The following DCDC2 variants were observed in gnomAD, a reference collection of about 807,000 sequenced individuals.
DCDC2 encodes doublecortin domain containing 2.
Under a neutral mutation model 50.2 loss-of-function variants are expected in DCDC2, and 40 were observed. The ratio of observed to expected loss-of-function variants is 0.80; its 90% CI spans 0.62 to 1.04. DCDC2 has a LOEUF of 1.04. DCDC2 is among the 50% of genes least tolerant of loss of function. DCDC2 has a pLI of 0.00. For synonymous variants in DCDC2, 234 were observed against 210.6 expected (o/e 1.11, Z -0.96); for missense variants, 570 against 581.9 (o/e 0.98, Z 0.21).
the DCDC2 span, among the ~76,000 whole-genome samples, chr6:24,378,447 G>A: frequency 6.6e-6 from 1 of 152,034 alleles, no homozygotes; most frequent in Non-Finnish European, 1.5e-5. Flanking sequence ...TGCTGGGACC[G>A]ACTATTGTGA....
intron 2 of DCDC2, among the ~76,000 whole-genome samples, chr6:24,338,640 G>A (rs1476392377): frequency 6.6e-6 from 1 of 152,054 alleles, no homozygotes; most frequent in South Asian, 2.1e-4. Context: ...ATAGCTTTTG[G>A]TTGGTTTTAT....
At chr6:24,237,539 T>C (rs967008897) in intron 7 of DCDC2, among the ~76,000 whole-genome samples, 3 of 152,188 alleles carry the variant, frequency 2.0e-5, no homozygotes, top group Admixed American at 6.5e-5. Flanking sequence ...AAAATAGAAC[T>C]ATAATTGAAA....
Position 24,290,924 on chromosome 6 carries a change from A to G in DCDC2, c.704+8T>C. ...AAAGCATGAGGAGTGGTAAGGAGTAAGACTTACCCAAAAGGCCTTCTCATC... is the reference window on the plus strand; with the variant it reads ...AAAGCATGAGGAGTGGTAAGGAGTAGGACTTACCCAAAAGGCCTTCTCATC... On this transcript the variant is annotated splice_region_variant and intron_variant, in intron 5 of 9. Coordinates refer to ENST00000378454, the MANE Select transcript of DCDC2 (RefSeq NM_016356.5). The G allele has an allele frequency of 1.2e-6, 2 of 1,612,632 alleles. No homozygotes were observed. The highest frequency in any genetic ancestry group is 2.2e-5 in the South Asian group (2 of 90,816).
intron 8 of DCDC2, among the ~76,000 whole-genome samples, chr6:24,200,027 C>T (rs1271382593): frequency 6.6e-6 from 1 of 152,160 alleles, no homozygotes; most frequent in African/African-American, 2.4e-5. Flanking sequence ...ACCAAACCTA[C>T]AACTGATTGG....
chr6:24,301,724 G>A lies in DCDC2; in HGVS notation c.548C>T (p.Ala183Val). 1 of 1,614,072 alleles carries A rather than the reference G, an allele frequency of 6.2e-7. No homozygotes were observed. The highest frequency in any genetic ancestry group is 8.5e-7 in the Non-Finnish European group (1 of 1,180,002). ...GATTGTTTTGACATACCTGTGAACA[G>A]CCCCGCTCCTCAGAGTGATTTTTTC... ...VTEKITLRSG[A>V]VHRLYTLEGK... The change falls in exon 4 of 10, where the codon GCT becomes GTT. Residue 183 changes from alanine to valine, a missense_variant. Ala to Val is a moderately conservative substitution (Grantham distance 64, BLOSUM62 0). Coordinates refer to ENST00000378454, the MANE Select transcript of DCDC2 (RefSeq NM_016356.5).
intron 7 of DCDC2, among the ~76,000 whole-genome samples, chr6:24,249,476 T>C (rs550486769): frequency 1.3e-5 from 2 of 152,368 alleles, no homozygotes; most frequent in African/African-American, 4.8e-5. Flanking sequence ...GCTGTGCTGC[T>C]ATGATATACA....
At chr6:24,228,356 G>C (rs575633398) in intron 7 of DCDC2, among the ~76,000 whole-genome samples, 1 of 152,326 alleles carries the variant, frequency 6.6e-6, no homozygotes, top group Non-Finnish European at 1.5e-5. Flanking sequence ...TAAGCAGCAG[G>C]TGGTAGGATT....
rs1378906652 is a variant in DCDC2, at chr6:24,341,235, A to G, written c.348+12334T>C. 3.3e-5 allele frequency among the ~76,000 whole-genome samples: 5 copies of G among 152,190 alleles called. No individual in the cohort carries two copies. The East Asian group carries it at 9.6e-4, about 29-fold the overall frequency. ...GTTAAACATTAGACACTGCAAATAT[A>G]AAAAGTCAATTTATTTGTCTCTCTC... is the stretch of plus-strand genomic sequence containing the variant. On this transcript the variant is annotated intron_variant, in intron 2 of 9. Transcript: ENST00000378454.
chr6:24,182,726 C>T (rs1761106289), intron 8 of DCDC2, among the ~76,000 whole-genome samples: 1 of 151,532 alleles, frequency 6.6e-6, no homozygotes, highest in African/African-American at 2.4e-5. Flanking sequence ...CTACAGCCAC[C>T]TGAAAAACAG....
At chr6:24,206,335 G>A (rs975812744) in intron 7 of DCDC2, among the ~76,000 whole-genome samples, 1 of 152,032 alleles carries the variant, frequency 6.6e-6, no homozygotes, top group Non-Finnish European at 1.5e-5. Flanking sequence ...GAGTATTATG[G>A]AAGCTGAAAA....
intron 7 of DCDC2, among the ~76,000 whole-genome samples, chr6:24,217,152 G>C (rs1349970198): frequency 6.6e-6 from 1 of 151,776 alleles, no homozygotes; most frequent in Admixed American, 6.6e-5. Flanking sequence ...AAAAAAAATA[G>C]CCAAAGAGAA....
intron 8 of DCDC2, among the ~76,000 whole-genome samples, chr6:24,204,697 T>G (rs868465172): frequency 6.6e-6 from 1 of 152,172 alleles, no homozygotes; most frequent in Admixed American, 6.5e-5. Flanking sequence ...CCAATACTCT[T>G]TTTTATATCA....
chr6:24,283,390 T>C lies in DCDC2; in HGVS notation c.760-5179A>G, dbSNP rs527701489. The stretch of plus-strand genomic sequence containing the variant: ...CCCCAGGCTCCCTGACCAACTCAGT[T>C]ACGCACCAGCAGGGGTCCCTGTGTA... On this transcript the variant is annotated intron_variant, in intron 6 of 9. Transcript: ENST00000378454. Among the ~76,000 whole-genome samples, 3 of 152,290 alleles carry C rather than the reference T, an allele frequency of 2.0e-5. No individual in the cohort carries two copies. The East Asian group carries it at 5.8e-4, about 29-fold the overall frequency.
chr6:24,353,280 C>A, intron 2 of DCDC2: 1 of 498,698 alleles, frequency 2.0e-6, no homozygotes, highest in South Asian at 1.6e-5. Flanking sequence ...TCTCACTTGA[C>A]AGGGAACCTT....
intron 4 of DCDC2, among the ~76,000 whole-genome samples, chr6:24,293,106 A>C (rs998636107): frequency 7.9e-5 from 12 of 152,192 alleles, no homozygotes; most frequent in African/African-American, 2.9e-4. Context: ...CGCAGTGAAT[A>C]AATTCTTTTT....
rs1242574718 is a variant in DCDC2, at chr6:24,357,478, C to G, written c.273G>C (p.Gln91His). 3 of 1,608,176 alleles carry G rather than the reference C, an allele frequency of 1.9e-6. No individual in the cohort carries two copies. The East Asian group carries it at 6.7e-5, about 36-fold the overall frequency. The change falls in exon 1 of 10, where the codon CAG (glutamine) becomes CAC (histidine). Residue 91 changes from glutamine (Q) to histidine (H), a missense_variant. Transcript: ENST00000378454. ...QSGGNYVAGG[Q>H]EAFKKLNYLD... ...CTCACTTGAGTTTCTTGAAGGCTTC[C>G]TGGCCTCCAGCCACGTAATTGCCCC...
the DCDC2 span, among the ~76,000 whole-genome samples, chr6:24,378,707 A>G: frequency 2.0e-5 from 3 of 152,164 alleles, no homozygotes; most frequent in African/African-American, 4.8e-5. Context: ...AAGTTTCAAT[A>G]TTACATCTAC....
intron 6 of DCDC2, among the ~76,000 whole-genome samples, chr6:24,280,192 G>C (rs1349235390): frequency 2.0e-5 from 3 of 152,168 alleles, no homozygotes; most frequent in African/African-American, 7.2e-5. Context: ...CCTTACAAAT[G>C]AAGTTATTTA....
intron 2 of DCDC2, among the ~76,000 whole-genome samples, chr6:24,324,846 G>C (rs1759829718): frequency 6.6e-6 from 1 of 150,500 alleles, no homozygotes; most frequent in Non-Finnish European, 1.5e-5. Flanking sequence ...TTGTGCCACT[G>C]TATTCCCACA....
Sources: allele counts gnomAD v4.1 joint callset (sites outside exome capture counted in the v4.1 genomes callset), GRCh38; gene constraint gnomAD v4.1.1; transcripts MANE v1.5; gene names NCBI Gene and HGNC (gene_info 2026-07-23, HGNC 2026-07-21).